The following MX2 variants were observed in gnomAD, a reference collection of about 807,000 sequenced individuals.
MX2 encodes the protein interferon-induced GTP-binding protein Mx2.
A neutral mutation model predicts 74.0 loss-of-function variants in MX2; 51 were observed. That is an observed-to-expected ratio of 0.69 (90% CI 0.55 to 0.87). The LOEUF (loss-of-function observed/expected upper bound fraction) is 0.87, where lower values mean the gene tolerates loss of function less well. Ranked by LOEUF, MX2 falls within the 40% of genes least tolerant of loss-of-function variation. The pLI is 0.00. For synonymous variants in MX2, 369 were observed against 339.3 expected (o/e 1.09, Z -0.96); for missense variants, 832 against 908.7 (o/e 0.92, Z 1.09).
chr21:41,385,732 C>T (rs1398499054), intron 5 of MX2, among the ~76,000 whole-genome samples: 2 of 152,066 alleles, frequency 1.3e-5, no homozygotes, highest in East Asian at 3.9e-4. Flanking sequence ...GGGAGAGAGG[C>T]TGGGGAGCCG....
At chr21:41,383,853 G>A (rs1022809386) in intron 5 of MX2, among the ~76,000 whole-genome samples, 1 of 152,090 alleles carries the variant, frequency 6.6e-6, no homozygotes, top group Non-Finnish European at 1.5e-5. Flanking sequence ...CTCCTAGGAG[G>A]GTGGCTGATT....
chr21:41,378,820 A>G (rs2089449483), intron 3 of MX2, among the ~76,000 whole-genome samples: 1 of 152,196 alleles, frequency 6.6e-6, no homozygotes, highest in South Asian at 2.1e-4. Flanking sequence ...AAGGAGCAGC[A>G]TGCAGGGGCC....
At chr21:41,383,425 C>T (rs1334914143) in intron 5 of MX2, among the ~76,000 whole-genome samples, 1 of 152,230 alleles carries the variant, frequency 6.6e-6, no homozygotes, top group Non-Finnish European at 1.5e-5. Context: ...GTGCCTGAAT[C>T]AAATGTGGTC....
Position 41,397,637 on chromosome 21 carries a change from C to T in MX2, c.1095C>T (p.Ala365=). The change falls in exon 8 of 14, where the codon GCC becomes GCT. Residue 365 remains alanine, a synonymous_variant. Coordinates refer to ENST00000330714, the MANE Select transcript of MX2 (RefSeq NM_002463.2). ...GAGTTCTCCTGGAGGAGGGGTCAGC[C>T]ACGGTTCCCCGACTGGCAGAAAGAC... ...YFRVLLEEGS[A]TVPRLAERLT... is the part of the protein sequence containing the mutation. 6.2e-7 allele frequency: 1 copy of T among 1,614,066 alleles called. No individual in the cohort carries two copies. Among genetic ancestry groups the T allele is most frequent in the Non-Finnish European group, 8.5e-7 (1 of 1,179,950 alleles).
rs936420795 is a variant in MX2, at chr21:41,382,564, G to A, written c.732G>A (p.Gln244=). 2 of 1,614,122 alleles carry A rather than the reference G, an allele frequency of 1.2e-6. No homozygotes were observed. The highest frequency in any genetic ancestry group is 1.7e-6 in the Non-Finnish European group (2 of 1,180,028). ...ACCAGCCCCGAGACATCGGACTGCA[G>A]GTGAGCCCTTCTGGAATTTGGGATT... ...VDNQPRDIGL[Q]IKALIKKYIQ... The change falls in exon 5 of 14, where the codon CAG becomes CAA. Residue 244 remains glutamine, a splice_region_variant and synonymous_variant. Transcript: ENST00000330714.
Position 41,399,233 on chromosome 21 carries a change from T to C in MX2, c.1310T>C (p.Val437Ala). 2 of 1,613,856 alleles carry C rather than the reference T, an allele frequency of 1.2e-6. No homozygotes were observed. Among genetic ancestry groups the C allele is most frequent in the Non-Finnish European group, 1.7e-6 (2 of 1,179,828 alleles). ...KMFNQDIEKL[V>A]EGEEVVRENE... Reference sequence around the variant, plus strand: ...TTTAATCAGGACATCGAAAAGTTAGTAGAAGGAGAAGAAGTTGTAAGGGAG... The same window carrying C: ...TTTAATCAGGACATCGAAAAGTTAGCAGAAGGAGAAGAAGTTGTAAGGGAG... The change falls in exon 10 of 14, where the codon GTA becomes GCA. Residue 437 changes from valine (V) to alanine (A), a missense_variant. Physicochemically the swap from Val to Ala is moderately conservative, Grantham distance 64. Coordinates refer to ENST00000330714, the MANE Select transcript of MX2 (RefSeq NM_002463.2).
At chr21:41,407,041 C>G in intron 13 of MX2, 43 bp downstream of exon 13, 1 of 1,592,030 alleles carries the variant, frequency 6.3e-7, no homozygotes, top group Non-Finnish European at 8.6e-7. Flanking sequence ...CTGAAATTTG[C>G]AGAGCTGAGT....
chr21:41,383,286 G>T (rs556094888), intron 5 of MX2, among the ~76,000 whole-genome samples: 1 of 152,326 alleles, frequency 6.6e-6, no homozygotes, highest in East Asian at 1.9e-4. Flanking sequence ...CCCAAGCCCA[G>T]GAGGTCAAGG....
At chr21:41,379,943 G>T in intron 3 of MX2, 74 bp from the exon 4 acceptor site, 2 of 1,576,424 alleles carry the variant, frequency 1.3e-6, no homozygotes, top group Non-Finnish European at 1.7e-6. Context: ...CAGCAGGGCA[G>T]GTTCTGGGAG....
intron 6 of MX2, among the ~76,000 whole-genome samples, chr21:41,393,192 A>C: frequency 6.6e-6 from 1 of 151,596 alleles, no homozygotes; most frequent in African/African-American, 2.4e-5. Flanking sequence ...CCAAAGGATG[A>C]GAATAGAGCA....
intron 10 of MX2, 166 bp from the exon 11 acceptor site, chr21:41,401,804 A>T (rs535383478): frequency 2.4e-5 from 15 of 635,644 alleles, no homozygotes; most frequent in East Asian, 1.8e-4. Context: ...TATTTCTTAA[A>T]CTCCTGTTAT....
intron 11 of MX2, 134 bp from the exon 12 acceptor site, chr21:41,403,133 G>A (rs1271576183): frequency 2.9e-6 from 2 of 694,414 alleles, no homozygotes; most frequent in Non-Finnish European, 4.9e-6. Context: ...CGGTTTGCAG[G>A]TCTAGGGAAC....
chr21:41,377,934 G>T lies in MX2; in HGVS notation c.395G>T (p.Ser132Ile), dbSNP rs2089430189. The T allele has an allele frequency of 6.2e-7, 1 of 1,614,094 alleles. No individual in the cohort carries two copies. Among genetic ancestry groups the T allele is most frequent in the African/African-American group, 1.3e-5 (1 of 74,958 alleles). ...AVIGDQSSGK[S>I]SVLEALSGVA... is the part of the protein sequence containing the mutation. ...ATCGGGGACCAGAGCTCGGGCAAGA[G>T]CTCTGTGCTGGAGGCACTGTCAGGA... The change falls in exon 3 of 14, where the codon AGC becomes ATC. Residue 132 changes from serine (S) to isoleucine (I), a missense_variant. Transcript: ENST00000330714.
At position 41,399,002 on chromosome 21, in the gene MX2, A is replaced by T. The variant is rs1355979821; in HGVS notation, c.1255A>T (p.Met419Leu). The change falls in exon 9 of 14, where the codon ATG (methionine) becomes TTG (leucine). Residue 419 changes from methionine (M) to leucine (L), a missense_variant. Coordinates refer to ENST00000330714, the MANE Select transcript of MX2 (RefSeq NM_002463.2). ...ADIPSQEADK[M>L]FFLIEKIKMF... ...CATCCCCAGCCAGGAGGCCGACAAG[A>T]TGTTCTTTCTAATTGAGGTGAGGAT... 1.2e-6 allele frequency: 2 copies of T among 1,613,478 alleles called. No individual in the cohort carries two copies. Among genetic ancestry groups the T allele is most frequent in the Non-Finnish European group, 1.7e-6 (2 of 1,179,640 alleles).
Position 41,401,976 on chromosome 21 carries a change from ATAT to A in MX2, c.1425_1427del (p.Ile476del), listed in dbSNP as rs771243268. On this transcript the variant is annotated inframe_deletion, in exon 11 of 14. Transcript: ENST00000330714. ...GGTCTGTTTGATGTTGCAGTTAAAA[ATAT>A]TATCCACGAAGAAGTTGAAAAATAT... The A allele has an allele frequency of 6.8e-6, 11 of 1,613,044 alleles. No individual in the cohort carries two copies. Among genetic ancestry groups the A allele is most frequent in the Non-Finnish European group, 9.3e-6 (11 of 1,179,606 alleles).
At chr21:41,389,318 C>G (rs1165268017) in intron 5 of MX2, among the ~76,000 whole-genome samples, 2 of 152,018 alleles carry the variant, frequency 1.3e-5, no homozygotes, top group East Asian at 3.9e-4. Flanking sequence ...AGTTCAAGAC[C>G]AACCTGGGCA....
Position 41,375,920 on chromosome 21 carries a change from G to A in MX2, c.-71-916G>A, listed in dbSNP as rs182691825. 2.7e-4 allele frequency among the ~76,000 whole-genome samples: 41 copies of A among 152,300 alleles called. 1 individual carries two copies. In the East Asian group the frequency reaches 6.4e-3, roughly 24 times the overall value. On this transcript the variant is annotated intron_variant, in intron 1 of 13. Coordinates refer to ENST00000330714, the MANE Select transcript of MX2 (RefSeq NM_002463.2). ...CCCAGCTCTGAGTCCTGGCTTAGGC[G>A]TCATTGGCCCTCCCGGATGTCAGTT...
At chr21:41,381,228 C>A (rs140755887) in intron 4 of MX2, among the ~76,000 whole-genome samples, 1 of 152,324 alleles carries the variant, frequency 6.6e-6, no homozygotes, top group African/African-American at 2.4e-5. Context: ...CCCAGCTGTG[C>A]CCACCACAGC....
At chr21:41,407,098 G>A in intron 13 of MX2, 100 bp downstream of exon 13, 1 of 1,271,648 alleles carries the variant, frequency 7.9e-7, no homozygotes, top group Non-Finnish European at 1.1e-6. Context: ...AAGGAGGGAG[G>A]GACCACTACA....
Sources: allele counts gnomAD v4.1 joint callset (sites outside exome capture counted in the v4.1 genomes callset), GRCh38; gene constraint gnomAD v4.1.1; transcripts MANE v1.5; gene names NCBI Gene and HGNC (gene_info 2026-07-23, HGNC 2026-07-21).